SLC4A4: variants seen among roughly 807,000 people sequenced by gnomAD.
The protein encoded by SLC4A4 is solute carrier family 4 member 4.
SLC4A4 carries 27 observed loss-of-function variants against 111.5 expected under a neutral mutation model. That is an observed-to-expected ratio of 0.24 (90% CI 0.18 to 0.33). The LOEUF (loss-of-function observed/expected upper bound fraction) is 0.33, where lower values mean the gene tolerates loss of function less well. Among genes scored for constraint, SLC4A4 ranks in the 10% least tolerant of loss-of-function variants. SLC4A4 has a pLI of 1.00. For synonymous variants in SLC4A4, 443 were observed against 463.4 expected (o/e 0.96, Z 0.57); for missense variants, 909 against 1,315.5 (o/e 0.69, Z 4.78).
chr4:71,419,132 A>G (rs559660797), intron 7 of SLC4A4, among the ~76,000 whole-genome samples: 33 of 152,326 alleles, frequency 2.2e-4, no homozygotes, highest in East Asian at 1.7e-3. Context: ...TAGGCTGCTC[A>G]GGGGTCAGGG....
intron 7 of SLC4A4, among the ~76,000 whole-genome samples, chr4:71,431,855 C>T (rs1169163386): frequency 6.6e-6 from 1 of 151,908 alleles, no homozygotes; most frequent in East Asian, 1.9e-4. Flanking sequence ...TCAGTAGGTT[C>T]CAGATTGAAC....
At chr4:71,454,370 T>A (rs1726032023) in intron 12 of SLC4A4, among the ~76,000 whole-genome samples, 2 of 152,304 alleles carry the variant, frequency 1.3e-5, no homozygotes, top group South Asian at 2.1e-4. Flanking sequence ...CAAATTACTT[T>A]TAGTTGGTCC....
chr4:71,339,504 A>C lies in SLC4A4; in HGVS notation c.388A>C (p.Arg130=). 3 of 1,613,118 alleles carry C rather than the reference A, an allele frequency of 1.9e-6. No individual in the cohort carries two copies. The highest frequency in any genetic ancestry group is 2.5e-6 in the Non-Finnish European group (3 of 1,180,016). The change falls in exon 4 of 26, where the codon AGG becomes CGG. Residue 130 remains arginine, a splice_region_variant and synonymous_variant. Transcript: ENST00000264485. ...GGAGATGGAGTGGAAGGAAACAGCC[A>C]GGTGAGGCATAGCTGACTGTATGTA... ...GQEMEWKETA[R]WIKFEEKVEQ... is the part of the protein sequence containing the mutation.
At chr4:71,447,416 G>T (rs985523759) in intron 8 of SLC4A4, among the ~76,000 whole-genome samples, 7 of 152,150 alleles carry the variant, frequency 4.6e-5, no homozygotes, top group Admixed American at 2.6e-4. Flanking sequence ...AAGCTTCTCA[G>T]GTTTCTATGC....
At chr4:71,099,641 A>G (rs1333619509) in intron 2 of SLC4A4, among the ~76,000 whole-genome samples, 1 of 152,196 alleles carries the variant, frequency 6.6e-6, no homozygotes, top group Non-Finnish European at 1.5e-5. Context: ...CAAAAGATCA[A>G]TGAATCCAGG....
chr4:71,556,758 T>C (rs1481208664), intron 21 of SLC4A4, among the ~76,000 whole-genome samples: 1 of 151,944 alleles, frequency 6.6e-6, no homozygotes, highest in Non-Finnish European at 1.5e-5. Context: ...CAAAAATAGT[T>C]CTAGAGGGAA....
At chr4:71,118,477 A>T (rs536937675) in intron 2 of SLC4A4, among the ~76,000 whole-genome samples, 1 of 152,240 alleles carries the variant, frequency 6.6e-6, no homozygotes, top group South Asian at 2.1e-4. Flanking sequence ...ATTTAGATTT[A>T]TGTACTTATC....
chr4:71,084,845 A>G (rs573013776), intron 1 of SLC4A4, among the ~76,000 whole-genome samples: 92 of 152,130 alleles, frequency 6.0e-4, no homozygotes, highest in Admixed American at 4.9e-3. Flanking sequence ...TGCTATTGTG[A>G]ATAGTGCCAC....
intron 7 of SLC4A4, among the ~76,000 whole-genome samples, chr4:71,436,180 T>A (rs958695836): frequency 6.6e-6 from 1 of 152,104 alleles, no homozygotes; most frequent in Non-Finnish European, 1.5e-5. Flanking sequence ...AATGATAGAC[T>A]GGATAAAGAA....
At chr4:71,135,345 G>A (rs1430972270) in intron 2 of SLC4A4, among the ~76,000 whole-genome samples, 1 of 148,572 alleles carries the variant, frequency 6.7e-6, no homozygotes, top group African/African-American at 2.5e-5. Context: ...GCCCAGGCTG[G>A]AATTCAGTGG....
At chr4:71,420,147 T>G (rs1722293061) in intron 7 of SLC4A4, among the ~76,000 whole-genome samples, 1 of 152,118 alleles carries the variant, frequency 6.6e-6, no homozygotes, top group African/African-American at 2.4e-5. Context: ...TTAAAGGAGC[T>G]GATGGAGCTG....
intron 18 of SLC4A4, among the ~76,000 whole-genome samples, chr4:71,538,132 A>G (rs1219787644): frequency 6.6e-6 from 1 of 152,128 alleles, no homozygotes; most frequent in Non-Finnish European, 1.5e-5. Context: ...TTTGTTAACA[A>G]ATTCTTAATT....
intron 1 of SLC4A4, among the ~76,000 whole-genome samples, chr4:71,218,168 A>G (rs532645416): frequency 6.6e-6 from 1 of 152,328 alleles, no homozygotes; most frequent in South Asian, 2.1e-4. Flanking sequence ...TTAAGAAGTG[A>G]GTGATGTTTT....
At chr4:71,502,476 C>G (rs946233541) in intron 16 of SLC4A4, among the ~76,000 whole-genome samples, 1 of 152,136 alleles carries the variant, frequency 6.6e-6, no homozygotes, top group Non-Finnish European at 1.5e-5. Flanking sequence ...ATAAATTTCA[C>G]TCTTAGAACT....
At chr4:71,502,984 T>C (rs1731082904) in intron 16 of SLC4A4, among the ~76,000 whole-genome samples, 1 of 152,164 alleles carries the variant, frequency 6.6e-6, no homozygotes. Context: ...AGAATAATAA[T>C]ATTTGCTTTA....
chr4:71,139,157 A>T (rs1743931154), intron 2 of SLC4A4, among the ~76,000 whole-genome samples: 1 of 150,004 alleles, frequency 6.7e-6, no homozygotes, highest in Non-Finnish European at 1.5e-5. Flanking sequence ...AATCAAAGTC[A>T]TCAAACTAAA....
intron 1 of SLC4A4, among the ~76,000 whole-genome samples, chr4:71,226,732 A>T (rs1322981295): frequency 6.6e-6 from 1 of 152,140 alleles, no homozygotes; most frequent in Admixed American, 6.5e-5. Context: ...TGTTTGAAAT[A>T]CACATTCAGG....
chr4:71,511,211 T>G (rs1407824325), intron 16 of SLC4A4, among the ~76,000 whole-genome samples: 1 of 152,152 alleles, frequency 6.6e-6, no homozygotes, highest in Admixed American at 6.6e-5. Context: ...TCAGTGAGTT[T>G]TATACTTTCA....
chr4:71,473,412 A>G (rs150329637), intron 14 of SLC4A4: 43 of 310,056 alleles, frequency 1.4e-4, no homozygotes, highest in African/African-American at 8.1e-4. Flanking sequence ...AAAAGATACT[A>G]ATCCACTTCA....
Sources: allele counts gnomAD v4.1 joint callset (sites outside exome capture counted in the v4.1 genomes callset), GRCh38; gene constraint gnomAD v4.1.1; transcripts MANE v1.5; gene names NCBI Gene and HGNC (gene_info 2026-07-23, HGNC 2026-07-21).